Variants in NXPE1 observed in about 807,000 individuals in gnomAD.
NXPE1 encodes NXPE family member 1.
A neutral mutation model predicts 33.3 loss-of-function variants in NXPE1; 31 were observed. That is an observed-to-expected ratio of 0.93 (90% CI 0.70 to 1.26). NXPE1 has a LOEUF of 1.26. Among genes scored for constraint, NXPE1 ranks in the 50% most tolerant of loss-of-function variants. The probability of loss-of-function intolerance (pLI) is 0.00; values close to 1 mark genes in which losing one functional copy is unlikely to be tolerated. For synonymous variants in NXPE1, 229 were observed against 231.4 expected (o/e 0.99, Z 0.09); for missense variants, 661 against 655.6 (o/e 1.01, Z -0.09).
At chr11:114,532,729 A>G (rs1276168433) in intron 5 of NXPE1, among the ~76,000 whole-genome samples, 2 of 152,194 alleles carry the variant, frequency 1.3e-5, no homozygotes, top group Non-Finnish European at 2.9e-5. Flanking sequence ...ATGTGCATAT[A>G]TGCATATACA....
At chr11:114,550,995 T>G (rs908319719) in intron 5 of NXPE1, 108 bp downstream of exon 5, 11 of 628,778 alleles carry the variant, frequency 1.7e-5, no homozygotes, top group African/African-American at 1.6e-4. Context: ...AGGGCAGTAG[T>G]TGAGGTGGGG....
chr11:114,554,272 C>T, intron 1 of NXPE1: 2 of 976,290 alleles, frequency 2.0e-6, no homozygotes, highest in East Asian at 1.1e-4. Context: ...GGCCAGGACA[C>T]TGAGTTCTCT....
chr11:114,546,254 TAAGTA>T (rs1201652699), intron 5 of NXPE1, among the ~76,000 whole-genome samples: 1 of 152,030 alleles, frequency 6.6e-6, no homozygotes, highest in Non-Finnish European at 1.5e-5. Context: ...GATGAACAAA[TAAGTA>T]AATAAATAGA....
At chr11:114,555,523 C>A (rs1948628233) in intron 1 of NXPE1, among the ~76,000 whole-genome samples, 2 of 152,168 alleles carry the variant, frequency 1.3e-5, no homozygotes, top group Admixed American at 6.6e-5. Context: ...CCACGCCCAG[C>A]CAAGAATACA....
At chr11:114,523,011 T>C (rs761806769) in exon 8 of NXPE1, 25 of 1,613,566 alleles carry the variant, frequency 1.5e-5, no homozygotes, top group Non-Finnish European at 2.0e-5. Context: ...AATGTTGTTA[T>C]CCATTTTCCT....
At chr11:114,553,397 T>C (rs1948569083) in intron 1 of NXPE1, among the ~76,000 whole-genome samples, 1 of 152,194 alleles carries the variant, frequency 6.6e-6, no homozygotes, top group South Asian at 2.1e-4. Context: ...CAAGCAGTTC[T>C]GTGGTTCATA....
intron 5 of NXPE1, among the ~76,000 whole-genome samples, chr11:114,550,189 A>G (rs958358470): frequency 6.6e-6 from 1 of 152,190 alleles, no homozygotes; most frequent in African/African-American, 2.4e-5. Flanking sequence ...TGTCCTAAAT[A>G]TCTTCTGGGT....
At chr11:114,519,968 T>TCGCCTCCCGGGGTCACGCTATTCTCC (rs1356498370), downstream of NXPE1, among the ~76,000 whole-genome samples, 2 of 117,316 alleles carry the variant, frequency 1.7e-5, no homozygotes, top group African/African-American at 4.5e-5. Flanking sequence ...CTCGGCGAGC[T>TCGCCTCCCGGGGTCACGCTATTCTCC]TGCCCGCTAA....
At chr11:114,540,970 A>G (rs1462515447) in intron 5 of NXPE1, among the ~76,000 whole-genome samples, 1 of 144,478 alleles carries the variant, frequency 6.9e-6, no homozygotes, top group African/African-American at 2.6e-5. Flanking sequence ...AGAGAAGGTC[A>G]TGCCGCAATT....
intron 5 of NXPE1, among the ~76,000 whole-genome samples, chr11:114,537,326 A>C (rs1947870822): frequency 6.6e-6 from 1 of 152,364 alleles, no homozygotes; most frequent in Non-Finnish European, 1.5e-5. Context: ...CCAATATCAT[A>C]CTGAATGGAC....
At chr11:114,538,680 A>C (rs577544479) in intron 5 of NXPE1, among the ~76,000 whole-genome samples, 1 of 152,362 alleles carries the variant, frequency 6.6e-6, no homozygotes, top group South Asian at 2.1e-4. Flanking sequence ...AACACGTGAA[A>C]AAATGCTCAT....
intron 1 of NXPE1, among the ~76,000 whole-genome samples, chr11:114,556,829 T>G (rs1948659257): frequency 6.6e-6 from 1 of 152,066 alleles, no homozygotes. Flanking sequence ...CTATGTAATT[T>G]TATCTTACTA....
At chr11:114,538,631 A>C (rs1005531370) in intron 5 of NXPE1, among the ~76,000 whole-genome samples, 1 of 152,240 alleles carries the variant, frequency 6.6e-6, no homozygotes, top group African/African-American at 2.4e-5. Flanking sequence ...ATATGAACAG[A>C]CACTTCTCAA....
chr11:114,538,491 C>A (rs1192355759), intron 5 of NXPE1, among the ~76,000 whole-genome samples: 3 of 152,102 alleles, frequency 2.0e-5, no homozygotes, highest in African/African-American at 7.2e-5. Flanking sequence ...AGTGAACAGG[C>A]AACCTACAAA....
chr11:114,522,733 T>C, intron 8 of NXPE1, 146 bp downstream of exon 8: 1 of 680,444 alleles, frequency 1.5e-6, no homozygotes, highest in Non-Finnish European at 2.4e-6. Flanking sequence ...AAAGAAGGAA[T>C]AAAATACATT....
chr11:114,542,900 T>C (rs907142854), intron 5 of NXPE1, among the ~76,000 whole-genome samples: 1 of 152,212 alleles, frequency 6.6e-6, no homozygotes, highest in Non-Finnish European at 1.5e-5. Flanking sequence ...CAATATGTCA[T>C]ACTGACACCA....
At chr11:114,532,805 A>G (rs1023359881) in intron 5 of NXPE1, among the ~76,000 whole-genome samples, 1 of 152,144 alleles carries the variant, frequency 6.6e-6, no homozygotes, top group Non-Finnish European at 1.5e-5. Flanking sequence ...ATGGTTGATT[A>G]TGGGTGAATT....
exon 6 of NXPE1, chr11:114,530,176 T>C: frequency 6.3e-7 from 1 of 1,599,246 alleles, no homozygotes; most frequent in Non-Finnish European, 8.5e-7. Context: ...TATACTCACC[T>C]GTGGAAAAGG....
chr11:114,552,535 A>G (rs1031140793), intron 2 of NXPE1, among the ~76,000 whole-genome samples: 7 of 152,122 alleles, frequency 4.6e-5, no homozygotes, highest in Admixed American at 4.6e-4. Flanking sequence ...CTGTCCACTG[A>G]AATTTCATAT....
Sources: gnomAD v4.1 joint callset for allele counts (sites outside exome capture counted in the v4.1 genomes callset) on GRCh38, gnomAD v4.1.1 for gene constraint, MANE v1.5 for transcripts, NCBI Gene and HGNC (gene_info 2026-07-23, HGNC 2026-07-21) for gene names.